The following FKBP1B variants were observed in gnomAD, a reference collection of about 807,000 sequenced individuals.
The protein encoded by FKBP1B is peptidyl-prolyl cis-trans isomerase FKBP1B.
Under a neutral mutation model 13.5 loss-of-function variants are expected in FKBP1B, and 4 were observed. That is an observed-to-expected ratio of 0.30 (90% confidence interval 0.15 to 0.68). FKBP1B has a LOEUF of 0.68. Among genes scored for constraint, FKBP1B ranks in the 30% least tolerant of loss-of-function variants. The probability of loss-of-function intolerance (pLI) is 0.76; values close to 1 mark genes in which losing one functional copy is unlikely to be tolerated. For synonymous variants in FKBP1B, 54 were observed against 53.6 expected (o/e 1.01, Z -0.03); for missense variants, 93 against 136.2 (o/e 0.68, Z 1.58).
chr2:24,062,836 A>T (rs1664457077), intron 3 of FKBP1B, among the ~76,000 whole-genome samples: 1 of 152,166 alleles, frequency 6.6e-6, no homozygotes, highest in African/African-American at 2.4e-5. Flanking sequence ...TGAATTTGAG[A>T]CCACTCTGTG....
upstream of FKBP1B, among the ~76,000 whole-genome samples, chr2:24,048,922 T>A (rs1663722118): frequency 6.6e-6 from 1 of 152,094 alleles, no homozygotes; most frequent in South Asian, 2.1e-4. Flanking sequence ...AGGGCGCATT[T>A]CTTTGCCTTG....
At chr2:24,049,968 CGT>C in intron 1 of FKBP1B, 82 bp downstream of exon 1, 13 of 1,171,568 alleles carry the variant, frequency 1.1e-5, no homozygotes, top group Non-Finnish European at 1.4e-5. Context: ...TCGGAGGTGG[CGT>C]GGAGGGTGCT....
chr2:24,047,524 G>A (rs1219694450), upstream of FKBP1B, among the ~76,000 whole-genome samples: 2 of 152,040 alleles, frequency 1.3e-5, no homozygotes, highest in Non-Finnish European at 2.9e-5. Flanking sequence ...TTTTGAATAT[G>A]CACATTAGCA....
intron 3 of FKBP1B, among the ~76,000 whole-genome samples, chr2:24,061,423 C>T (rs762647014): frequency 7.9e-5 from 12 of 152,146 alleles, no homozygotes; most frequent in Non-Finnish European, 1.5e-4. Context: ...CACTGTACTC[C>T]AGCCCAGGCG....
upstream of FKBP1B, among the ~76,000 whole-genome samples, chr2:24,049,278 A>C (rs1054821746): frequency 1.3e-5 from 2 of 152,196 alleles, no homozygotes; most frequent in African/African-American, 4.8e-5. Context: ...CTGAGGAAGA[A>C]GGATCGCTTG....
In FKBP1B at chr2:24,063,191, G is replaced by A. The variant is rs750271650; in HGVS notation, c.326G>A (p.Ter109=). The change falls in exon 4 of 4, where the codon TGA becomes TAA. Residue 109 remains the stop codon, a stop_retained_variant. Transcript: ENST00000380986. ...IFDVELLNLE[*] Reference sequence around the variant, plus strand: ...GACGTGGAGCTGCTCAACTTAGAGTGAAGGCAGGAAGGAACTCAAGGTGGC... The same window carrying A: ...GACGTGGAGCTGCTCAACTTAGAGTAAAGGCAGGAAGGAACTCAAGGTGGC... The A allele has an allele frequency of 1.2e-5, 19 of 1,583,358 alleles. No individual in the cohort carries two copies. The highest frequency in any genetic ancestry group is 2.3e-5 in the South Asian group (2 of 86,002).
the FKBP1B span, among the ~76,000 whole-genome samples, chr2:24,043,384 G>A: frequency 2.0e-5 from 3 of 152,080 alleles, no homozygotes; most frequent in African/African-American, 7.2e-5. Flanking sequence ...AGTGGCTCAT[G>A]CCTGTAATCC....
chr2:24,037,949 C>T, the FKBP1B span: 2 of 1,614,144 alleles, frequency 1.2e-6, no homozygotes, highest in Middle Eastern at 1.6e-4. Context: ...GTAACAGGCT[C>T]AGCATCTAGA....
chr2:24,035,749 T>C, the FKBP1B span, among the ~76,000 whole-genome samples: 2 of 151,260 alleles, frequency 1.3e-5, no homozygotes, highest in Non-Finnish European at 2.9e-5. Context: ...ACCTTGTCTC[T>C]ATAGTTAAAA....
At chr2:24,043,020 T>G in the FKBP1B span, among the ~76,000 whole-genome samples, 5 of 113,442 alleles carry the variant, frequency 4.4e-5, no homozygotes, top group African/African-American at 7.3e-5. Context: ...GCAAAAAGAG[T>G]GAAACTCCGT....
Position 24,059,372 on chromosome 2 carries a change from TG to T in FKBP1B, c.86-1433del, listed in dbSNP as rs71395181. 2.1e-4 allele frequency among the ~76,000 whole-genome samples: 31 copies of T among 144,550 alleles called. No individual in the cohort carries two copies. In the South Asian group the frequency reaches 3.4e-3, roughly 16 times the overall value. 94.8% of individuals were successfully genotyped at this position (144,550 alleles called of 152,430 possible). The stretch of plus-strand genomic sequence containing the variant: ...GAACCAGAACTGCTGGACCAGCACC[TG>T]GGGGGGGGTTCTGGTTTCAAACAGC... On this transcript the variant is annotated intron_variant, in intron 2 of 3. Coordinates refer to ENST00000380986, the MANE Select transcript of FKBP1B (RefSeq NM_004116.5).
At chr2:24,047,700 A>G (rs953080075), upstream of FKBP1B, among the ~76,000 whole-genome samples, 16 of 152,150 alleles carry the variant, frequency 1.1e-4, no homozygotes, top group Non-Finnish European at 1.5e-4. Flanking sequence ...GGAGTCCAGG[A>G]GCCCTAGGAT....
chr2:24,053,832 G>A (rs1005498180), intron 1 of FKBP1B, 70 bp from the exon 2 acceptor site: 3 of 1,453,528 alleles, frequency 2.1e-6, no homozygotes, highest in African/African-American at 1.4e-5. Context: ...TCTTGGTCAG[G>A]ATCATACTTA....
chr2:24,044,490 C>T, the FKBP1B span, among the ~76,000 whole-genome samples: 7 of 152,130 alleles, frequency 4.6e-5, no homozygotes, highest in East Asian at 3.8e-4. Flanking sequence ...TGGTCTTGAA[C>T]TCCTGACCTC....
chr2:24,058,203 G>GAA (rs201114311), intron 2 of FKBP1B, among the ~76,000 whole-genome samples: 5 of 126,646 alleles, frequency 3.9e-5, no homozygotes, highest in Admixed American at 8.0e-5. Flanking sequence ...TCTGTCTCAG[G>GAA]AAAAAAAAAA....
At position 24,050,007 on chromosome 2, in the gene FKBP1B, G is replaced by A. The variant is rs1206064828; in HGVS notation, c.37+121G>A. The A allele has an allele frequency of 1.4e-6, 1 of 708,420 alleles. No homozygotes were observed. The highest frequency in any genetic ancestry group is 2.0e-6 in the Non-Finnish European group (1 of 501,824). The allele number at this position is 708,420 out of a possible 1,614,324, so 43.9% of individuals were successfully genotyped here. A position where few individuals can be genotyped will look rare whatever the true frequency, so the allele number is the denominator to read the frequency against. On this transcript the variant is annotated intron_variant, in intron 1 of 3. Transcript: ENST00000380986. This position sits in a 1 kb window ranked among gnomAD's most constrained non-coding sequence, Gnocchi z 5.8. ...AAGGGTCGGGGGGCTGGATGGGGAAGGCAGGCGGAGACGCCGGACGGGATT... is the reference window on the plus strand; with the variant it reads ...AAGGGTCGGGGGGCTGGATGGGGAAAGCAGGCGGAGACGCCGGACGGGATT...
chr2:24,038,731 C>T, the FKBP1B span: 54 of 1,614,054 alleles, frequency 3.3e-5, no homozygotes, highest in East Asian at 2.7e-4. Context: ...GCGTACTTCA[C>T]CAATAACTGG....
At chr2:24,056,072 CT>C in intron 2 of FKBP1B, among the ~76,000 whole-genome samples, 1 of 152,026 alleles carries the variant, frequency 6.6e-6, no homozygotes, top group East Asian at 1.9e-4. Flanking sequence ...TCACTGCAAC[CT>C]CTGCCTCCTG....
the FKBP1B span, chr2:24,039,287 C>T: frequency 6.2e-7 from 1 of 1,614,230 alleles, no homozygotes; most frequent in Non-Finnish European, 8.5e-7. Context: ...GTATCATCTG[C>T]AACAGGTGGG....
Sources: gnomAD v4.1 joint callset for allele counts (sites outside exome capture counted in the v4.1 genomes callset) on GRCh38, gnomAD v4.1.1 for gene constraint, Gnocchi (gnomAD v3.1) non-coding constraint, MANE v1.5 for transcripts, NCBI Gene and HGNC (gene_info 2026-07-23, HGNC 2026-07-21) for gene names.